Variants in ATP6V0A2 observed in about 807,000 individuals in gnomAD.
The protein encoded by ATP6V0A2 is V-type proton ATPase 116 kDa subunit a 2.
Under a neutral mutation model 104.4 loss-of-function variants are expected in ATP6V0A2, and 58 were observed. The observed-to-expected ratio is 0.56, with a 90% CI of 0.45 to 0.69. The LOEUF is 0.69. ATP6V0A2 is among the 30% of genes least tolerant of loss of function. ATP6V0A2 has a pLI of 0.00. For synonymous variants in ATP6V0A2, 376 were observed against 397.9 expected, an observed-to-expected ratio of 0.95 and a Z score of 0.65; for missense variants, 938 against 1,062.9, an observed-to-expected ratio of 0.88 and a Z score of 1.63.
chr12:123,729,397 G>A (rs887565722), intron 6 of ATP6V0A2, among the ~76,000 whole-genome samples: 2 of 141,488 alleles, frequency 1.4e-5, no homozygotes, highest in Non-Finnish European at 3.0e-5. Context: ...TGTTACTGAG[G>A]GGTTGCTTTT....
intron 13 of ATP6V0A2, 86 bp downstream of exon 13, chr12:123,745,058 A>G: frequency 7.5e-7 from 1 of 1,327,918 alleles, no homozygotes; most frequent in Non-Finnish European, 1.1e-6. Context: ...TAGACTGTTG[A>G]GCAGGGTTCA....
In ATP6V0A2 at chr12:123,756,860, G is replaced by A. The variant is rs774276857; in HGVS notation, c.2339G>A (p.Arg780His). The change falls in exon 19 of 20, where the codon CGC becomes CAC. Residue 780 changes from arginine (R) to histidine (H), a missense_variant. Arg to His is a conservative substitution (Grantham distance 29). Coordinates refer to ENST00000330342, the MANE Select transcript of ATP6V0A2 (RefSeq NM_012463.4). The part of the protein sequence containing the change: ...LWAMLMRVGL[R>H]VDTTYGVLLL... ...GCCATGCTGATGCGCGTGGGCCTCC[G>A]CGTTGACACCACCTATGGCGTCTTG... 8 of 1,614,176 alleles carry A rather than the reference G, an allele frequency of 5.0e-6. No homozygotes were observed. Among genetic ancestry groups the A allele is most frequent in the East Asian group, 2.2e-5 (1 of 44,882 alleles).
chr12:123,748,039 A>T (rs150129326), intron 14 of ATP6V0A2, among the ~76,000 whole-genome samples: 5 of 152,306 alleles, frequency 3.3e-5, no homozygotes, highest in African/African-American at 1.2e-4. Flanking sequence ...ATGTGCATTC[A>T]TGTCGATTTC....
Position 123,743,911 on chromosome 12 carries a change from G to A in ATP6V0A2, c.1165G>A (p.Gly389Arg), listed in dbSNP as rs1956634532. ...GAACATCGTGGATGCTTATGGAGTC[G>A]GAAGCTACAGAGAAGTCAATCCAGG... ...FQNIVDAYGV[G>R]SYREVNPALF... The change falls in exon 10 of 20, where the codon GGA becomes AGA. Residue 389 changes from glycine (G) to arginine (R), a missense_variant. Gly to Arg is a moderately radical substitution (Grantham distance 125). Coordinates refer to ENST00000330342, the MANE Select transcript of ATP6V0A2 (RefSeq NM_012463.4). 4 of 1,614,112 alleles carry A rather than the reference G, an allele frequency of 2.5e-6. No individual in the cohort carries two copies. The highest frequency in any genetic ancestry group is 1.3e-5 in the African/African-American group (1 of 75,000).
chr12:123,756,307 CTT>C (rs35956646), intron 18 of ATP6V0A2: 242 of 115,574 alleles, frequency 2.1e-3, no homozygotes, highest in South Asian at 7.4e-3. Flanking sequence ...AAGAGGGTGT[CTT>C]TTTTTTTTTT....
At chr12:123,752,211 A>T in intron 16 of ATP6V0A2, 72 bp from the exon 17 acceptor site, 1 of 1,595,782 alleles carries the variant, frequency 6.3e-7, no homozygotes, top group South Asian at 1.1e-5. Flanking sequence ...AAACAAAGAA[A>T]CTATACAAGT....
rs747784474 is a variant in ATP6V0A2, at chr12:123,748,668, C to G, written c.1818C>G (p.Phe606Leu). ...CIFGYLIFMI[F>L]YKWLVFSAET... ...TTGGATACCTTATATTTATGATTTT[C>G]TACAAGTGGCTGGTTTTTTCAGCAG... is the stretch of plus-strand genomic sequence containing the variant. The change falls in exon 15 of 20, where the codon TTC becomes TTG. Residue 606 changes from phenylalanine (F) to leucine (L), a missense_variant. Transcript: ENST00000330342. The G allele has an allele frequency of 6.2e-7, 1 of 1,614,048 alleles. No homozygotes were observed.
In ATP6V0A2 at chr12:123,761,474, CG is replaced by C. The variant is rs2135929593; in HGVS notation, c.*3443del. Reference sequence around the variant, plus strand: ...GATGATGGGAATAAGGCAGTTTGAACGAACAGTCTTCCCACAGTCAGGCCAT... The same window carrying C: ...GATGATGGGAATAAGGCAGTTTGAACAACAGTCTTCCCACAGTCAGGCCAT... On this transcript the variant is annotated 3_prime_UTR_variant, in exon 20 of 20. Coordinates refer to ENST00000330342, the MANE Select transcript of ATP6V0A2 (RefSeq NM_012463.4). 1.3e-5 allele frequency: 2 copies of C among 152,264 alleles called. No individual in the cohort carries two copies. Among genetic ancestry groups the C allele is most frequent in the South Asian group, 4.1e-4 (2 of 4,820 alleles). 9.4% of individuals were successfully genotyped at this position (152,264 alleles called of 1,614,324 possible). A position where few individuals can be genotyped will look rare whatever the true frequency, so the allele number is the denominator to read the frequency against.
intron 18 of ATP6V0A2, chr12:123,756,302 G>A (rs1956763377): frequency 7.1e-6 from 1 of 140,440 alleles, no homozygotes; most frequent in Non-Finnish European, 1.5e-5. Flanking sequence ...CGGACAAGAG[G>A]GTGTCTTTTT....
chr12:123,718,849 C>A, intron 2 of ATP6V0A2, 148 bp downstream of exon 2: 1 of 581,464 alleles, frequency 1.7e-6, no homozygotes, highest in Non-Finnish European at 3.0e-6. Context: ...GTTATGTAGG[C>A]ATGTATTATT....
At chr12:123,737,598 G>GT (rs1956568087) in intron 9 of ATP6V0A2, 1 of 356,632 alleles carries the variant, frequency 2.8e-6, no homozygotes, top group Non-Finnish European at 5.4e-6. Flanking sequence ...ATTCAAAGCT[G>GT]TATGTGAGTA....
chr12:123,754,023 G>A (rs749789340), intron 17 of ATP6V0A2: 58 of 257,212 alleles, frequency 2.3e-4, no homozygotes, highest in Non-Finnish European at 3.7e-4. Flanking sequence ...CTAGTGAATC[G>A]CAGTCTACTC....
At chr12:123,725,224 G>A (rs978642582) in intron 4 of ATP6V0A2, among the ~76,000 whole-genome samples, 2 of 152,108 alleles carry the variant, frequency 1.3e-5, no homozygotes, top group Non-Finnish European at 1.5e-5. Flanking sequence ...GTGAGCTACC[G>A]CGCCCAGATT....
chr12:123,725,045 C>T (rs2135887974), intron 4 of ATP6V0A2, among the ~76,000 whole-genome samples: 1 of 152,236 alleles, frequency 6.6e-6, no homozygotes, highest in South Asian at 2.1e-4. Context: ...AAGAGATTGT[C>T]CTGCCTCAGC....
intron 13 of ATP6V0A2, among the ~76,000 whole-genome samples, chr12:123,746,125 T>C (rs1485053323): frequency 6.6e-6 from 1 of 152,138 alleles, no homozygotes; most frequent in Non-Finnish European, 1.5e-5. Context: ...CAGTAATAAC[T>C]TGTAGCTTTG....
chr12:123,739,889 T>A (rs1820530245), intron 9 of ATP6V0A2, among the ~76,000 whole-genome samples: 1 of 152,242 alleles, frequency 6.6e-6, no homozygotes, highest in African/African-American at 2.4e-5. Flanking sequence ...TTGTAATTCA[T>A]GTGGTTTTTT....
intron 1 of ATP6V0A2, among the ~76,000 whole-genome samples, chr12:123,717,827 C>T (rs1449111859): frequency 1.3e-5 from 2 of 151,754 alleles, no homozygotes; most frequent in Non-Finnish European, 2.9e-5. Flanking sequence ...TTCTTTTTCC[C>T]TGAGATTGAT....
intron 6 of ATP6V0A2, among the ~76,000 whole-genome samples, chr12:123,728,372 C>T (rs1293673850): frequency 2.0e-5 from 3 of 148,966 alleles, no homozygotes; most frequent in African/African-American, 7.4e-5. Context: ...GTTGGGATTA[C>T]AGGTGTGAGC....
intron 7 of ATP6V0A2, among the ~76,000 whole-genome samples, chr12:123,735,249 T>TTG (rs2135899512): frequency 6.6e-6 from 1 of 152,202 alleles, no homozygotes; most frequent in Admixed American, 6.5e-5. Context: ...AAGGACATTG[T>TTG]TGAATTTTAG....
Sources: allele counts gnomAD v4.1 joint callset (sites outside exome capture counted in the v4.1 genomes callset), GRCh38; gene constraint gnomAD v4.1.1; transcripts MANE v1.5; gene names NCBI Gene and HGNC (gene_info 2026-07-23, HGNC 2026-07-21).